Variants in GPC6 observed in about 807,000 individuals in gnomAD.
GPC6 encodes glypican 6, also known as glypican-6.
Under a neutral mutation model 55.2 loss-of-function variants are expected in GPC6, and 14 were observed. That is an observed-to-expected ratio of 0.25 (90% CI 0.17 to 0.40). The LOEUF (loss-of-function observed/expected upper bound fraction) is 0.40, where lower values mean the gene tolerates loss of function less well. GPC6 is among the 10% of genes least tolerant of loss of function. The pLI is 1.00. For missense variants in GPC6, 641 were observed against 708.5 expected (o/e 0.90, Z 1.08); for synonymous variants, 278 against 259.6 (o/e 1.07, Z -0.68).
At chr13:94,095,248 A>C (rs1885618657) in intron 4 of GPC6, among the ~76,000 whole-genome samples, 1 of 152,166 alleles carries the variant, frequency 6.6e-6, no homozygotes, top group Non-Finnish European at 1.5e-5. Flanking sequence ...CTATATAAAA[A>C]AGAGTAGTAG....
At chr13:94,350,592 C>T (rs1878492492) in intron 6 of GPC6, among the ~76,000 whole-genome samples, 1 of 152,008 alleles carries the variant, frequency 6.6e-6, no homozygotes, top group South Asian at 2.1e-4. Flanking sequence ...CTCCAGAAGG[C>T]ATTGTTAAAT....
intron 2 of GPC6, among the ~76,000 whole-genome samples, chr13:93,550,538 T>C (rs922018217): frequency 2.6e-5 from 4 of 152,168 alleles, no homozygotes; most frequent in Non-Finnish European, 5.9e-5. Context: ...ACCTGCAGAC[T>C]ACCCATTGAA....
intron 4 of GPC6, among the ~76,000 whole-genome samples, chr13:94,060,254 A>G (rs1884274538): frequency 1.3e-5 from 2 of 152,086 alleles, no homozygotes; most frequent in Non-Finnish European, 2.9e-5. Context: ...CATAGTACAT[A>G]TCATCCCCAA....
chr13:93,738,219 T>C (rs986846958), intron 2 of GPC6, among the ~76,000 whole-genome samples: 1 of 151,984 alleles, frequency 6.6e-6, no homozygotes, highest in Admixed American at 6.6e-5. Context: ...TGAGTGGATA[T>C]ATACCTTATT....
intron 3 of GPC6, among the ~76,000 whole-genome samples, chr13:93,959,164 T>TA (rs201523964): frequency 0.14 from 21,326 of 151,700 alleles, 1,745 homozygotes; most frequent in East Asian, 0.26. Context: ...TGTATGATTT[T>TA]TTTTTTTTTT....
intron 4 of GPC6, among the ~76,000 whole-genome samples, chr13:94,100,132 T>C (rs1415210139): frequency 1.3e-5 from 2 of 152,178 alleles, no homozygotes; most frequent in African/African-American, 4.8e-5. Flanking sequence ...CTGCAGATAT[T>C]CGTTGATATA....
chr13:94,152,021 A>G (rs1002650058), intron 4 of GPC6, among the ~76,000 whole-genome samples: 4 of 152,040 alleles, frequency 2.6e-5, no homozygotes, highest in African/African-American at 9.7e-5. Context: ...ACAGAGCCAT[A>G]CTAGAGCAAT....
At chr13:93,693,789 C>T (rs1016130998) in intron 2 of GPC6, among the ~76,000 whole-genome samples, 6 of 152,042 alleles carry the variant, frequency 3.9e-5, no homozygotes, top group Admixed American at 2.0e-4. Flanking sequence ...GCCCAGCCAA[C>T]GTGTTATATT....
intron 1 of GPC6, among the ~76,000 whole-genome samples, chr13:93,525,633 AT>A (rs1566404505): frequency 6.6e-6 from 1 of 152,088 alleles, no homozygotes; most frequent in Non-Finnish European, 1.5e-5. Context: ...TTCAGGAGCC[AT>A]TCTTTTTATT....
chr13:93,749,979 C>T (rs970179908), intron 2 of GPC6, among the ~76,000 whole-genome samples: 3 of 152,100 alleles, frequency 2.0e-5, no homozygotes, highest in Admixed American at 1.3e-4. Context: ...TTCTAGGGCT[C>T]TTTTGGATGT....
chr13:93,730,857 A>T (rs1883797301), intron 2 of GPC6, among the ~76,000 whole-genome samples: 1 of 152,168 alleles, frequency 6.6e-6, no homozygotes, highest in South Asian at 2.1e-4. Flanking sequence ...CAAAAAGTTG[A>T]TGACCTAGGA....
At chr13:94,346,495 G>A (rs1250129501) in intron 6 of GPC6, among the ~76,000 whole-genome samples, 19 of 152,042 alleles carry the variant, frequency 1.2e-4, no homozygotes, top group Admixed American at 1.2e-3. Flanking sequence ...GGCCCAGGTG[G>A]GTGAATCACA....
chr13:93,588,858 A>G (rs982883310), intron 2 of GPC6, among the ~76,000 whole-genome samples: 3 of 151,684 alleles, frequency 2.0e-5, no homozygotes, highest in Non-Finnish European at 4.4e-5. Flanking sequence ...AAAGTATATC[A>G]CCTCCCATCA....
At chr13:94,302,436 T>C (rs1209149754) in intron 5 of GPC6, among the ~76,000 whole-genome samples, 1 of 152,166 alleles carries the variant, frequency 6.6e-6, no homozygotes, top group East Asian at 1.9e-4. Context: ...ACCTCCTAAT[T>C]CCATCACATC....
chr13:94,291,021 G>A (rs1000167114), intron 5 of GPC6, among the ~76,000 whole-genome samples: 8 of 151,980 alleles, frequency 5.3e-5, no homozygotes, highest in African/African-American at 1.5e-4. Context: ...GCGAAACCCC[G>A]TCTCTACTAA....
intron 1 of GPC6, among the ~76,000 whole-genome samples, chr13:93,228,043 T>A (rs1326319171): frequency 6.6e-6 from 1 of 152,078 alleles, no homozygotes; most frequent in Non-Finnish European, 1.5e-5. Flanking sequence ...ACAGTCTGAG[T>A]GGCGCCTTCT....
chr13:93,783,664 C>G (rs976549823), intron 2 of GPC6, among the ~76,000 whole-genome samples: 2 of 152,146 alleles, frequency 1.3e-5, no homozygotes, highest in Non-Finnish European at 2.9e-5. Context: ...CCACCCATCA[C>G]TGTTATTCTC....
intron 3 of GPC6, among the ~76,000 whole-genome samples, chr13:93,991,955 A>G (rs926369161): frequency 3.9e-5 from 6 of 152,122 alleles, no homozygotes; most frequent in African/African-American, 1.4e-4. Context: ...GTGTATTTCC[A>G]TAAAACTATA....
chr13:93,562,329 A>T (rs1224023685), intron 2 of GPC6, among the ~76,000 whole-genome samples: 1 of 152,170 alleles, frequency 6.6e-6, no homozygotes, highest in African/African-American at 2.4e-5. Context: ...TTTGAAACAA[A>T]TATAACATTT....
Sources: gnomAD v4.1 joint callset for allele counts (sites outside exome capture counted in the v4.1 genomes callset) on GRCh38, gnomAD v4.1.1 for gene constraint, MANE v1.5 for transcripts, NCBI Gene and HGNC (gene_info 2026-07-23, HGNC 2026-07-21) for gene names.